Variants in FAM110B observed in about 807,000 individuals in gnomAD.
FAM110B encodes the protein protein FAM110B.
In FAM110B, 6 loss-of-function variants were observed where a neutral mutation model predicts 20.4. The ratio of observed to expected loss-of-function variants is 0.29; its 90% CI spans 0.16 to 0.58. The LOEUF (loss-of-function observed/expected upper bound fraction) is 0.58. Ranked by LOEUF, FAM110B falls within the 20% of genes least tolerant of loss-of-function variation. The pLI is 0.90. For synonymous variants in FAM110B, 226 were observed against 214.1 expected (o/e 1.06, Z -0.49); for missense variants, 434 against 498.2 (o/e 0.87, Z 1.23).
At chr8:58,113,937 G>T (rs1003203484) in intron 3 of FAM110B, among the ~76,000 whole-genome samples, 1 of 152,154 alleles carries the variant, frequency 6.6e-6, no homozygotes, top group South Asian at 2.1e-4. Flanking sequence ...ATTACATCGG[G>T]CCTTAAAAGT....
chr8:58,048,500 C>T (rs1037982341), intron 2 of FAM110B, among the ~76,000 whole-genome samples: 1 of 152,286 alleles, frequency 6.6e-6, no homozygotes, highest in African/African-American at 2.4e-5. Context: ...CCCCTTCCTT[C>T]CCCCTGCCCT....
At chr8:58,077,671 T>C (rs1806071929) in intron 3 of FAM110B, among the ~76,000 whole-genome samples, 1 of 152,158 alleles carries the variant, frequency 6.6e-6, no homozygotes, top group East Asian at 1.9e-4. Context: ...AGATACCTGA[T>C]ATAGCCTAGG....
chr8:58,078,669 G>C (rs958284738), intron 3 of FAM110B, among the ~76,000 whole-genome samples: 5 of 149,270 alleles, frequency 3.3e-5, no homozygotes, highest in Non-Finnish European at 5.9e-5. Context: ...TCCTGCCTCA[G>C]CCTCCCAAGT....
intron 3 of FAM110B, among the ~76,000 whole-genome samples, chr8:58,101,296 C>T (rs532258179): frequency 2.0e-5 from 3 of 152,048 alleles, no homozygotes; most frequent in Non-Finnish European, 4.4e-5. Flanking sequence ...ACAAATCAAA[C>T]ACAATTGGTG....
intron 1 of FAM110B, among the ~76,000 whole-genome samples, chr8:58,001,133 A>G (rs758345283): frequency 1.3e-5 from 2 of 152,172 alleles, no homozygotes; most frequent in Non-Finnish European, 2.9e-5. Flanking sequence ...CTAGTAACTT[A>G]GTTCCTTAAT....
chr8:58,123,947 G>A (rs993969429), intron 3 of FAM110B, among the ~76,000 whole-genome samples: 4 of 152,098 alleles, frequency 2.6e-5, no homozygotes, highest in Non-Finnish European at 4.4e-5. Flanking sequence ...TGTGTTTTTC[G>A]GATTCTTTAC....
intron 1 of FAM110B, among the ~76,000 whole-genome samples, chr8:57,996,596 C>A (rs1458809628): frequency 1.3e-5 from 2 of 152,118 alleles, no homozygotes; most frequent in African/African-American, 4.8e-5. Flanking sequence ...TGCCCTGGTG[C>A]CTTTCATAAG....
At chr8:58,116,325 C>A (rs1299396770) in intron 3 of FAM110B, among the ~76,000 whole-genome samples, 1 of 152,140 alleles carries the variant, frequency 6.6e-6, no homozygotes, top group African/African-American at 2.4e-5. Context: ...GGATGCAAAA[C>A]CTCACAGTAG....
In FAM110B at chr8:58,148,461, T is replaced by C. The variant is rs949607056; in HGVS notation, c.*1118T>C. The C allele has an allele frequency of 6.0e-6, 1 of 167,116 alleles. No homozygotes were observed. Among genetic ancestry groups the C allele is most frequent in the Non-Finnish European group, 1.5e-5 (1 of 68,136 alleles). 10.4% of individuals were successfully genotyped at this position (167,116 alleles called of 1,614,324 possible). The stretch of plus-strand genomic sequence containing the variant: ...CTAGGAAACTGTAGAAATACAATGC[T>C]ATGTAGCTTTTCCACCCCATGGTCT... On this transcript the variant is annotated 3_prime_UTR_variant, in exon 4 of 4. Transcript: ENST00000519262.
chr8:58,080,061 A>T (rs1162266919), intron 3 of FAM110B, among the ~76,000 whole-genome samples: 1 of 152,196 alleles, frequency 6.6e-6, no homozygotes, highest in Non-Finnish European at 1.5e-5. Flanking sequence ...CAGTATGTAG[A>T]TATGGGATAT....
At chr8:58,124,422 A>G (rs1471646675) in intron 3 of FAM110B, among the ~76,000 whole-genome samples, 2 of 152,216 alleles carry the variant, frequency 1.3e-5, no homozygotes, top group African/African-American at 4.8e-5. Context: ...AGCCAAACAG[A>G]TGGAACAGCC....
At chr8:58,013,405 T>G (rs557986490) in intron 1 of FAM110B, among the ~76,000 whole-genome samples, 1 of 152,322 alleles carries the variant, frequency 6.6e-6, no homozygotes, top group East Asian at 1.9e-4. Flanking sequence ...AGTCCCAGCC[T>G]GGCGCACTTT....
intron 1 of FAM110B, among the ~76,000 whole-genome samples, chr8:58,002,236 C>T (rs1804312874): frequency 6.6e-6 from 1 of 152,158 alleles, no homozygotes; most frequent in Non-Finnish European, 1.5e-5. Context: ...TATCTGGGCA[C>T]CCCAGTAGAC....
intron 2 of FAM110B, among the ~76,000 whole-genome samples, chr8:58,059,413 C>T (rs1588081): frequency 6.6e-6 from 1 of 152,118 alleles, no homozygotes; most frequent in South Asian, 2.1e-4. Flanking sequence ...CACATCATTG[C>T]CAACATTTAG....
At chr8:58,087,217 G>T (rs552278729) in intron 3 of FAM110B, among the ~76,000 whole-genome samples, 4 of 152,294 alleles carry the variant, frequency 2.6e-5, no homozygotes, top group East Asian at 3.9e-4. Flanking sequence ...CTCCTCAGGG[G>T]TGTTTACCAT....
chr8:58,035,211 T>TA (rs778572462), intron 2 of FAM110B, among the ~76,000 whole-genome samples: 2 of 152,224 alleles, frequency 1.3e-5, no homozygotes, highest in Non-Finnish European at 2.9e-5. Context: ...CAATATTTTT[T>TA]ATCATCCTTA....
intron 2 of FAM110B, among the ~76,000 whole-genome samples, chr8:58,040,935 CTTTTT>C (rs60228265): frequency 5.5e-4 from 54 of 97,342 alleles, no homozygotes; most frequent in African/African-American, 1.5e-3. Flanking sequence ...ATGGGAAAAT[CTTTTT>C]TTTTTTTTTT....
At chr8:58,082,293 T>A (rs1025936830) in intron 3 of FAM110B, among the ~76,000 whole-genome samples, 4 of 152,200 alleles carry the variant, frequency 2.6e-5, no homozygotes, top group African/African-American at 9.7e-5. Flanking sequence ...TTAATGGGCA[T>A]GTAGAGACAA....
At chr8:58,084,715 T>C (rs1806288984) in intron 3 of FAM110B, among the ~76,000 whole-genome samples, 1 of 152,132 alleles carries the variant, frequency 6.6e-6, no homozygotes. Context: ...ACATGATTTT[T>C]CACTGGAAGT....
Sources: allele counts gnomAD v4.1 joint callset (sites outside exome capture counted in the v4.1 genomes callset), GRCh38; gene constraint gnomAD v4.1.1; transcripts MANE v1.5; gene names NCBI Gene and HGNC (gene_info 2026-07-23, HGNC 2026-07-21).